Variants in SOX5 observed in about 807,000 individuals in gnomAD.
The protein encoded by SOX5 is transcription factor SOX-5.
SOX5 carries 9 observed loss-of-function variants against 92.0 expected under a neutral mutation model. The observed-to-expected ratio is 0.10, with a 90% CI of 0.06 to 0.17. The LOEUF is 0.17. SOX5 is among the 10% of genes least tolerant of loss of function. The pLI, the probability that SOX5 is intolerant of heterozygous loss-of-function variation, is 1.00. For synonymous variants in SOX5, 344 were observed against 336.3 expected (o/e 1.02, Z -0.25); for missense variants, 642 against 944.5 (o/e 0.68, Z 4.20).
chr12:23,566,073 G>T (rs114023115), intron 10 of SOX5, among the ~76,000 whole-genome samples: 1,547 of 152,000 alleles, frequency 0.01, 28 homozygotes, highest in African/African-American at 0.035. Context: ...TTCAATCAAG[G>T]CAAATCTCCT....
intron 7 of SOX5, among the ~76,000 whole-genome samples, chr12:23,652,466 T>C (rs1037961777): frequency 4.6e-5 from 7 of 151,698 alleles, no homozygotes; most frequent in African/African-American, 9.7e-5. Context: ...AGCAACCATA[T>C]ACAAACTAAT....
At chr12:23,541,580 T>G (rs2135990627) in intron 13 of SOX5, among the ~76,000 whole-genome samples, 1 of 152,304 alleles carries the variant, frequency 6.6e-6, no homozygotes, top group Non-Finnish European at 1.5e-5. Flanking sequence ...TAAAAAAATG[T>G]GTATTTCCTC....
intron 2 of SOX5, among the ~76,000 whole-genome samples, chr12:23,886,677 A>T (rs1249737965): frequency 2.0e-5 from 3 of 152,146 alleles, no homozygotes; most frequent in Non-Finnish European, 4.4e-5. Flanking sequence ...TTTATAAATG[A>T]TCTCCTTCCC....
rs569520016 is a variant in SOX5 at position 24,059,231 on chromosome 12, C to T, written c.-2+154112G>A. On this transcript the variant is annotated intron_variant, in intron 4 of 4. Transcript: ENST00000446891. ...ATTAAATTTCACCTTACTCTGAAAA[C>T]GGCACTCCTGTGTTTTTGATAGAAA... Among the ~76,000 whole-genome samples, 15 of 151,932 alleles carry T rather than the reference C, an allele frequency of 9.9e-5. No individual in the cohort carries two copies. In the East Asian group the frequency reaches 2.7e-3, roughly 27 times the overall value.
chr12:24,318,841 G>C (rs568570300), intron 2 of SOX5, among the ~76,000 whole-genome samples: 6 of 152,288 alleles, frequency 3.9e-5, no homozygotes, highest in African/African-American at 1.2e-4. Flanking sequence ...CCTTCAGTGA[G>C]AGTAGTATCA....
Position 23,533,171 on chromosome 12 carries a change from T to C in SOX5, c.*1048A>G, listed in dbSNP as rs1233624803. The C allele has an allele frequency of 4.4e-6, 2 of 456,458 alleles. No homozygotes were observed. Among genetic ancestry groups the C allele is most frequent in the Admixed American group, 2.4e-5 (1 of 42,548 alleles). 28.3% of individuals were successfully genotyped at this position (456,458 alleles called of 1,614,324 possible). On this transcript the variant is annotated 3_prime_UTR_variant, in exon 15 of 15. Transcript: ENST00000451604. ...TCTAGACCAGTCACTTGGGAGGATG[T>C]GGGATTTCATCCCCAGATGTGGGTT...
intron 1 of SOX5, among the ~76,000 whole-genome samples, chr12:23,907,106 T>C (rs1052471745): frequency 6.6e-6 from 1 of 152,204 alleles, no homozygotes; most frequent in African/African-American, 2.4e-5. Context: ...TATTGTTCTA[T>C]CGTTGAATAA....
chr12:23,862,800 T>C (rs548285951), intron 2 of SOX5, among the ~76,000 whole-genome samples: 9 of 152,352 alleles, frequency 5.9e-5, no homozygotes, highest in Middle Eastern at 3.4e-3. Flanking sequence ...TCTTGAAGCG[T>C]GAATGTACCA....
intron 4 of SOX5, among the ~76,000 whole-genome samples, chr12:24,060,157 G>A (rs953359948): frequency 2.0e-5 from 3 of 152,170 alleles, no homozygotes; most frequent in Non-Finnish European, 4.4e-5. Context: ...AGCATTTATT[G>A]AGCATCTATT....
intron 1 of SOX5, among the ~76,000 whole-genome samples, chr12:24,383,881 C>G (rs1021775480): frequency 2.0e-5 from 3 of 152,086 alleles, no homozygotes; most frequent in Non-Finnish European, 4.4e-5. Flanking sequence ...TGGATTATGG[C>G]TCCCATAATC....
Position 23,725,140 on chromosome 12 carries a change from A to G in SOX5, c.810+9544T>C, listed in dbSNP as rs559602195. 1.7e-4 allele frequency among the ~76,000 whole-genome samples: 26 copies of G among 152,326 alleles called. 1 individual carries two copies. In the South Asian group the frequency reaches 5.4e-3, roughly 32 times the overall value. On this transcript the variant is annotated intron_variant, in intron 6 of 14. Transcript: ENST00000451604. ...ATATTCAGAGGAGGAGAAACTGGGA[A>G]AGAATGAGTTTGGGGAAGATAATTA...
chr12:24,232,615 G>C (rs1428356390), intron 3 of SOX5, among the ~76,000 whole-genome samples: 2 of 152,090 alleles, frequency 1.3e-5, no homozygotes, highest in African/African-American at 2.4e-5. Context: ...CTGGCTCTAA[G>C]AATGACTTGA....
chr12:24,056,782 C>T lies in SOX5; in HGVS notation c.-2+156561G>A, dbSNP rs1420047778. On this transcript the variant is annotated intron_variant, in intron 4 of 4. Coordinates refer to the SOX5 transcript ENST00000446891. ...CGAGGTCAGGAGATCGAGACCATCC[C>T]GGCTAAAACGGTGAAACCCCGTCTC... is the stretch of plus-strand genomic sequence containing the variant. Among the ~76,000 whole-genome samples, 47 of 150,408 alleles carry T rather than the reference C, an allele frequency of 3.1e-4. 3 individuals carry two copies. Among genetic ancestry groups the T allele is most frequent in the African/African-American group, 1.1e-3 (44 of 40,866 alleles).
At chr12:24,369,758 G>A (rs1285687773) in intron 1 of SOX5, among the ~76,000 whole-genome samples, 1 of 152,246 alleles carries the variant, frequency 6.6e-6, no homozygotes, top group African/African-American at 2.4e-5. Flanking sequence ...TGTCAGAAGT[G>A]TGGATTATAT....
At chr12:23,587,874 G>A (rs921911108) in intron 9 of SOX5, among the ~76,000 whole-genome samples, 1 of 151,966 alleles carries the variant, frequency 6.6e-6, no homozygotes, top group Non-Finnish European at 1.5e-5. Context: ...CCACTTACTG[G>A]CTCGGCCAAA....
chr12:24,315,919 C>T (rs986140331), intron 2 of SOX5, among the ~76,000 whole-genome samples: 1 of 152,168 alleles, frequency 6.6e-6, no homozygotes, highest in Non-Finnish European at 1.5e-5. Flanking sequence ...CTTCAGAAAA[C>T]GGAGGCGTGT....
chr12:24,221,686 A>G (rs1358390387), intron 3 of SOX5, among the ~76,000 whole-genome samples: 1 of 152,242 alleles, frequency 6.6e-6, no homozygotes, highest in Non-Finnish European at 1.5e-5. Flanking sequence ...TGCAGCTTAC[A>G]GTCTGGTGAG....
chr12:23,849,124 A>G (rs1381902760), intron 2 of SOX5, among the ~76,000 whole-genome samples: 1 of 152,182 alleles, frequency 6.6e-6, no homozygotes, highest in Non-Finnish European at 1.5e-5. Flanking sequence ...AGAAGAATTA[A>G]CTCATTTTAT....
At chr12:24,195,704 A>C (rs1956946432) in intron 4 of SOX5, among the ~76,000 whole-genome samples, 1 of 152,192 alleles carries the variant, frequency 6.6e-6, no homozygotes. Context: ...GTCAAATTTG[A>C]GAAGAATATA....
Sources: gnomAD v4.1 joint callset for allele counts (sites outside exome capture counted in the v4.1 genomes callset) on GRCh38, gnomAD v4.1.1 for gene constraint, MANE v1.5 for transcripts, NCBI Gene and HGNC (gene_info 2026-07-23, HGNC 2026-07-21) for gene names.